Variants in HS6ST3 observed in about 807,000 individuals in gnomAD.
The protein encoded by HS6ST3 is heparan-sulfate 6-O-sulfotransferase 3.
In HS6ST3, 12 loss-of-function variants were observed where a neutral mutation model predicts 36.7. The ratio of observed to expected loss-of-function variants is 0.33; its 90% CI spans 0.21 to 0.53. The LOEUF (loss-of-function observed/expected upper bound fraction) is 0.53, where lower values mean the gene tolerates loss of function less well. Among genes scored for constraint, HS6ST3 ranks in the 20% least tolerant of loss-of-function variants. The pLI, the probability that HS6ST3 is intolerant of heterozygous loss-of-function variation, is 0.95. For synonymous variants in HS6ST3, 240 were observed against 257.5 expected, an observed-to-expected ratio of 0.93 and a Z score of 0.65; for missense variants, 584 against 640.9, an observed-to-expected ratio of 0.91 and a Z score of 0.96.
At chr13:96,723,654 A>G (rs1283351300) in intron 1 of HS6ST3, among the ~76,000 whole-genome samples, 3 of 152,194 alleles carry the variant, frequency 2.0e-5, no homozygotes, top group Non-Finnish European at 4.4e-5. Context: ...TTTACTGGGT[A>G]ATTCCTGTGT....
intron 1 of HS6ST3, among the ~76,000 whole-genome samples, chr13:96,439,080 AAG>A (rs1491254771): frequency 1.8e-5 from 2 of 114,100 alleles, no homozygotes; most frequent in East Asian, 5.4e-4. Flanking sequence ...AGAAAAAAAA[AAG>A]AAAAAAAAAG....
chr13:96,284,910 G>GCTTGCTTGCTTT (rs1343778101), intron 1 of HS6ST3, among the ~76,000 whole-genome samples: 2,342 of 134,616 alleles, frequency 0.017, 29 homozygotes, highest in East Asian at 0.038. Flanking sequence ...ATGCATATTT[G>GCTTGCTTGCTTT]CTTTCTTTCT....
At chr13:96,304,932 A>C (rs1051004790) in intron 1 of HS6ST3, among the ~76,000 whole-genome samples, 1 of 151,706 alleles carries the variant, frequency 6.6e-6, no homozygotes, top group African/African-American at 2.4e-5. Flanking sequence ...GCTGGTCTCG[A>C]ACTTAACCTT....
chr13:96,821,864 A>T (rs1210247854), intron 1 of HS6ST3, among the ~76,000 whole-genome samples: 2 of 152,248 alleles, frequency 1.3e-5, no homozygotes, highest in African/African-American at 2.4e-5. Context: ...GGATTAAAAA[A>T]ATATATATTC....
chr13:96,597,693 A>G (rs1346071862), intron 1 of HS6ST3, among the ~76,000 whole-genome samples: 3 of 151,790 alleles, frequency 2.0e-5, no homozygotes, highest in East Asian at 1.9e-4. Context: ...GCTATGTCCT[A>G]TTTATTTATT....
chr13:96,310,532 A>T (rs1472446460), intron 1 of HS6ST3, among the ~76,000 whole-genome samples: 1 of 152,142 alleles, frequency 6.6e-6, no homozygotes, highest in Non-Finnish European at 1.5e-5. Flanking sequence ...TGCCCATATT[A>T]TCCATACAAT....
At chr13:96,404,199 T>C (rs1423215037) in intron 1 of HS6ST3, among the ~76,000 whole-genome samples, 2 of 152,186 alleles carry the variant, frequency 1.3e-5, no homozygotes, top group Non-Finnish European at 2.9e-5. Flanking sequence ...CCCCAGTTAA[T>C]TCATTTTAAA....
intron 1 of HS6ST3, among the ~76,000 whole-genome samples, chr13:96,599,887 AC>A (rs1332252837): frequency 2.0e-5 from 3 of 152,050 alleles, no homozygotes; most frequent in African/African-American, 7.2e-5. Flanking sequence ...TTCATTGTTG[AC>A]CCAGAGAGCA....
intron 1 of HS6ST3, among the ~76,000 whole-genome samples, chr13:96,329,007 T>G (rs1386235878): frequency 2.2e-4 from 33 of 151,424 alleles, no homozygotes; most frequent in African/African-American, 5.8e-4. Context: ...AGTTTGTATT[T>G]CTGTGGGATC....
chr13:96,199,530 A>T (rs1226333450), intron 1 of HS6ST3, among the ~76,000 whole-genome samples: 3 of 152,214 alleles, frequency 2.0e-5, no homozygotes, highest in Non-Finnish European at 4.4e-5. Flanking sequence ...TCAGCATTAA[A>T]TTCATTTTAA....
intron 1 of HS6ST3, among the ~76,000 whole-genome samples, chr13:96,601,109 G>T (rs1328743101): frequency 6.6e-6 from 1 of 151,854 alleles, no homozygotes; most frequent in East Asian, 1.9e-4. Flanking sequence ...TTTTTTCCAT[G>T]TCGACTTTAG....
chr13:96,094,603 A>C (rs1488435511), intron 1 of HS6ST3, among the ~76,000 whole-genome samples: 1 of 152,210 alleles, frequency 6.6e-6, no homozygotes, highest in Non-Finnish European at 1.5e-5. Flanking sequence ...TAACACAAAA[A>C]CTATCTGGAA....
chr13:96,133,669 C>T (rs7999459), intron 1 of HS6ST3, among the ~76,000 whole-genome samples: 30 of 152,246 alleles, frequency 2.0e-4, no homozygotes, highest in Non-Finnish European at 1.9e-4. Flanking sequence ...GTGATTTGCC[C>T]GCCTTGGCCT....
intron 1 of HS6ST3, among the ~76,000 whole-genome samples, chr13:96,800,975 A>C (rs1878052137): frequency 6.6e-6 from 1 of 152,134 alleles, no homozygotes; most frequent in Non-Finnish European, 1.5e-5. Flanking sequence ...CCAATTTCTC[A>C]GCCATCCTTT....
At chr13:96,825,382 A>G (rs1878626875) in intron 1 of HS6ST3, among the ~76,000 whole-genome samples, 1 of 152,192 alleles carries the variant, frequency 6.6e-6, no homozygotes, top group South Asian at 2.1e-4. Context: ...TTGAAAAGGA[A>G]GGATTTGCTA....
chr13:96,556,437 A>G (rs752411445), intron 1 of HS6ST3, among the ~76,000 whole-genome samples: 34 of 152,126 alleles, frequency 2.2e-4, no homozygotes, highest in Middle Eastern at 3.2e-3. Context: ...AAATAAAGTT[A>G]TTTTTCAGCA....
intron 1 of HS6ST3, among the ~76,000 whole-genome samples, chr13:96,411,494 A>T (rs1566353413): frequency 6.6e-6 from 1 of 152,212 alleles, no homozygotes; most frequent in African/African-American, 2.4e-5. Flanking sequence ...GAGTAGAGCT[A>T]AACGAGGTTT....
intron 1 of HS6ST3, among the ~76,000 whole-genome samples, chr13:96,138,123 G>T (rs1023152454): frequency 2.6e-5 from 4 of 152,122 alleles, no homozygotes; most frequent in Non-Finnish European, 4.4e-5. Context: ...TTAGTAAATT[G>T]AGTTTCAGCA....
chr13:96,259,829 G>A (rs2054655365), intron 1 of HS6ST3, among the ~76,000 whole-genome samples: 1 of 152,184 alleles, frequency 6.6e-6, no homozygotes, highest in South Asian at 2.1e-4. Context: ...AGAAAGAGTA[G>A]TCACAGATAA....
Sources: gnomAD v4.1 joint callset for allele counts (sites outside exome capture counted in the v4.1 genomes callset) on GRCh38, gnomAD v4.1.1 for gene constraint, MANE v1.5 for transcripts, NCBI Gene and HGNC (gene_info 2026-07-23, HGNC 2026-07-21) for gene names.